Variants in NTM observed in about 807,000 individuals in gnomAD.
NTM encodes the protein IgLON family member 2.
NTM carries 13 observed loss-of-function variants against 42.1 expected under a neutral mutation model. The ratio of observed to expected loss-of-function variants is 0.31; its 90% CI spans 0.20 to 0.49. The LOEUF is 0.49. Among genes scored for constraint, NTM ranks in the 20% least tolerant of loss-of-function variants. NTM has a pLI of 0.99. For missense variants in NTM, 373 were observed against 452.8 expected (o/e 0.82, Z 1.60); for synonymous variants, 187 against 179.2 (o/e 1.04, Z -0.35).
chr11:131,719,413 G>C (rs1030400125), intron 1 of NTM, among the ~76,000 whole-genome samples: 1 of 152,194 alleles, frequency 6.6e-6, no homozygotes, highest in African/African-American at 2.4e-5. Context: ...CATTCAAAGA[G>C]AGGGGTGAAG....
chr11:131,398,517 G>A lies in NTM; in HGVS notation c.82+27629G>A, dbSNP rs559160757. On this transcript the variant is annotated intron_variant, in intron 1 of 8. Transcript: ENST00000683400. ...TAGATCAGAAACAATTTTCCATGTC[G>A]TTACATAGTATTAGTGAGCATCGTT... is the stretch of plus-strand genomic sequence containing the variant. Among the ~76,000 whole-genome samples the A allele has an allele frequency of 7.9e-5, 12 of 151,616 alleles. No homozygotes were observed. The South Asian group carries it at 1.5e-3, about 18-fold the overall frequency.
chr11:132,119,211 C>T (rs2136899222), intron 2 of NTM, among the ~76,000 whole-genome samples: 1 of 152,340 alleles, frequency 6.6e-6, no homozygotes, highest in Middle Eastern at 3.4e-3. Flanking sequence ...ACCCTGGACA[C>T]TGGATTTGTA....
rs1941054396 is a variant in NTM, at chr11:131,370,786, AAAAG to A, written c.-18_-15del. 2 of 1,605,264 alleles carry A rather than the reference AAAAG, an allele frequency of 1.2e-6. No individual in the cohort carries two copies. Among genetic ancestry groups the A allele is most frequent in the Non-Finnish European group, 1.7e-6 (2 of 1,175,298 alleles). On this transcript the variant is annotated 5_prime_UTR_variant, in exon 1 of 9. Transcript: ENST00000683400. ...AAACCGAACCTGACAAAAAAGAAGAAAAAGAAGAAGAAAAAAAATCATGAAAACC... is the reference window on the plus strand; with the variant it reads ...AAACCGAACCTGACAAAAAAGAAGAAAAGAAGAAAAAAAATCATGAAAACC...
At chr11:131,994,535 AGGAG>A (rs1402546274) in intron 2 of NTM, among the ~76,000 whole-genome samples, 1 of 152,242 alleles carries the variant, frequency 6.6e-6, no homozygotes, top group Admixed American at 6.5e-5. Context: ...GCACAGAAAC[AGGAG>A]CATCTAATGT....
intron 2 of NTM, among the ~76,000 whole-genome samples, chr11:132,134,725 A>ATG: frequency 1.6e-5 from 1 of 62,896 alleles, no homozygotes; most frequent in African/African-American, 1.0e-4. Flanking sequence ...ATATATATAT[A>ATG]TATATATATA....
At chr11:131,943,657 C>G (rs2060043202) in intron 2 of NTM, among the ~76,000 whole-genome samples, 1 of 152,182 alleles carries the variant, frequency 6.6e-6, no homozygotes, top group Admixed American at 6.5e-5. Flanking sequence ...TATCACTTTT[C>G]CCAGCTAGTT....
intron 1 of NTM, among the ~76,000 whole-genome samples, chr11:131,632,833 C>T (rs966102121): frequency 6.6e-6 from 1 of 150,950 alleles, no homozygotes; most frequent in Non-Finnish European, 1.5e-5. Flanking sequence ...TGCCACCATG[C>T]CCGGCTAATT....
At chr11:132,254,863 C>CG (rs1460087918) in intron 4 of NTM, among the ~76,000 whole-genome samples, 1 of 152,206 alleles carries the variant, frequency 6.6e-6, no homozygotes, top group Non-Finnish European at 1.5e-5. Context: ...CGAATTTCTT[C>CG]TTGTGGGGGC....
intron 3 of NTM, among the ~76,000 whole-genome samples, chr11:132,171,805 A>G (rs773683278): frequency 6.6e-6 from 1 of 152,238 alleles, no homozygotes; most frequent in Non-Finnish European, 1.5e-5. Flanking sequence ...ATGGAAACAA[A>G]TGCAGGAAAA....
intron 1 of NTM, among the ~76,000 whole-genome samples, chr11:131,496,621 C>T (rs971167657): frequency 2.0e-5 from 3 of 152,224 alleles, no homozygotes; most frequent in African/African-American, 4.8e-5. Flanking sequence ...GCAAAGCCCC[C>T]TTCACTGGGA....
intron 1 of NTM, among the ~76,000 whole-genome samples, chr11:131,625,903 T>C (rs1035485508): frequency 1.3e-5 from 2 of 152,198 alleles, no homozygotes; most frequent in Admixed American, 1.3e-4. Flanking sequence ...TGGTTGTCAC[T>C]CTCATTGCTG....
At chr11:132,180,672 A>G (rs1262817956) in intron 3 of NTM, among the ~76,000 whole-genome samples, 1 of 152,148 alleles carries the variant, frequency 6.6e-6, no homozygotes, top group Non-Finnish European at 1.5e-5. Context: ...TGTCCTGGGC[A>G]GCTGGGTTTA....
intron 7 of NTM, chr11:132,315,216 C>T: frequency 2.7e-6 from 1 of 370,462 alleles, no homozygotes; most frequent in Non-Finnish European, 3.7e-6. Context: ...TTTCCTTTTT[C>T]CAAAACTGTC....
At chr11:131,589,955 C>T (rs542129210) in intron 1 of NTM, among the ~76,000 whole-genome samples, 8 of 152,320 alleles carry the variant, frequency 5.3e-5, no homozygotes, top group Middle Eastern at 3.4e-3. Flanking sequence ...GCAAGGGATA[C>T]GCTCTTCCCC....
intron 1 of NTM, among the ~76,000 whole-genome samples, chr11:131,751,995 G>A (rs75057858): frequency 2.6e-4 from 39 of 152,202 alleles, no homozygotes; most frequent in East Asian, 1.7e-3. Context: ...CAACATTGAC[G>A]TAATTTTCCA....
At chr11:132,274,866 G>A (rs1446429983) in intron 4 of NTM, among the ~76,000 whole-genome samples, 2 of 152,098 alleles carry the variant, frequency 1.3e-5, no homozygotes, top group Non-Finnish European at 2.9e-5. Context: ...TTTCTGCTTA[G>A]TAATGATGTT....
intron 1 of NTM, among the ~76,000 whole-genome samples, chr11:131,448,701 G>C (rs578245662): frequency 9.6e-4 from 146 of 152,320 alleles, no homozygotes; most frequent in African/African-American, 3.4e-3. Context: ...GGTTGCAGGA[G>C]AGAAGGCTGC....
At chr11:131,549,200 G>C (rs1043049345) in intron 1 of NTM, among the ~76,000 whole-genome samples, 1 of 152,168 alleles carries the variant, frequency 6.6e-6, no homozygotes, top group African/African-American at 2.4e-5. Flanking sequence ...CCATTCTGGA[G>C]TTTGACAGCA....
chr11:131,883,572 T>C (rs1592539262), intron 1 of NTM, among the ~76,000 whole-genome samples: 1 of 151,756 alleles, frequency 6.6e-6, no homozygotes, highest in East Asian at 1.9e-4. Flanking sequence ...TAGAGAGGAG[T>C]GATTTTCTTT....
Sources: gnomAD v4.1 joint callset for allele counts (sites outside exome capture counted in the v4.1 genomes callset) on GRCh38, gnomAD v4.1.1 for gene constraint, MANE v1.5 for transcripts, NCBI Gene and HGNC (gene_info 2026-07-23, HGNC 2026-07-21) for gene names.